Variants in CTNNA3 observed in about 807,000 individuals in gnomAD.
The protein encoded by CTNNA3 is catenin alpha-3.
In CTNNA3, 76 loss-of-function variants were observed where a neutral mutation model predicts 95.7. That is an observed-to-expected ratio of 0.79 (90% CI 0.66 to 0.96). The LOEUF (loss-of-function observed/expected upper bound fraction) is 0.96, where lower values mean the gene tolerates loss of function less well. CTNNA3 is among the 40% of genes least tolerant of loss of function. CTNNA3 has a pLI of 0.00. For synonymous variants in CTNNA3, 431 were observed against 374.4 expected (o/e 1.15, Z -1.74); for missense variants, 1,191 against 1,089.8 (o/e 1.09, Z -1.31).
At chr10:66,404,067 G>C (rs1165292081) in intron 11 of CTNNA3, among the ~76,000 whole-genome samples, 1 of 152,042 alleles carries the variant, frequency 6.6e-6, no homozygotes, top group Non-Finnish European at 1.5e-5. Flanking sequence ...CATCACTACT[G>C]TAGAACCTCA....
chr10:66,158,979 A>T (rs2084696933), intron 13 of CTNNA3, among the ~76,000 whole-genome samples: 1 of 151,922 alleles, frequency 6.6e-6, no homozygotes, highest in Non-Finnish European at 1.5e-5. Flanking sequence ...TGTTGTATAG[A>T]AGAGCTACTG....
At position 65,914,282 on chromosome 10, in the gene CTNNA3, G is replaced by A. The variant is rs2076980875; in HGVS notation, c.*6048C>T. ...CATCATGACTACCAGATACATAAAA[G>A]TGAAGATCCCCAATATACACATCCA... On this transcript the variant is annotated 3_prime_UTR_variant, in exon 18 of 18. Transcript: ENST00000433211. The A allele has an allele frequency of 6.6e-6, 1 of 152,060 alleles. No homozygotes were observed. Among genetic ancestry groups the A allele is most frequent in the South Asian group, 2.1e-4 (1 of 4,824 alleles). 9.4% of individuals were successfully genotyped at this position (152,060 alleles called of 1,614,324 possible).
intron 17 of CTNNA3, among the ~76,000 whole-genome samples, chr10:65,964,144 A>C (rs1426063229): frequency 6.6e-6 from 1 of 152,198 alleles, no homozygotes; most frequent in African/African-American, 2.4e-5. Context: ...AAGAGATCTT[A>C]TAGAAAAATG....
chr10:66,248,582 G>C (rs2090431357), intron 13 of CTNNA3, among the ~76,000 whole-genome samples: 1 of 152,010 alleles, frequency 6.6e-6, no homozygotes. Flanking sequence ...AAAAAAAAGA[G>C]TAAGAGTTGC....
intron 7 of CTNNA3, among the ~76,000 whole-genome samples, chr10:66,939,360 T>C (rs1374491187): frequency 6.6e-6 from 1 of 152,156 alleles, no homozygotes; most frequent in Non-Finnish European, 1.5e-5. Context: ...TATCCAACTT[T>C]TAAGTCAATC....
At chr10:66,942,187 A>G (rs541175334) in intron 7 of CTNNA3, among the ~76,000 whole-genome samples, 3 of 152,250 alleles carry the variant, frequency 2.0e-5, no homozygotes, top group South Asian at 4.1e-4. Context: ...TTTGCTAGAT[A>G]TTTTCACAAT....
chr10:67,699,956 G>A (rs1019677554), upstream of CTNNA3, among the ~76,000 whole-genome samples: 6 of 152,204 alleles, frequency 3.9e-5, no homozygotes, highest in East Asian at 5.8e-4. Context: ...AAAAGACAGC[G>A]CACCAGGAGA....
In CTNNA3 at chr10:66,281,614, G is replaced by A. The variant is rs59730849; in HGVS notation, c.1733-993C>T. 2.3e-3 allele frequency among the ~76,000 whole-genome samples: 349 copies of A among 151,866 alleles called. 2 individuals are homozygous for A. The highest frequency in any genetic ancestry group is 7.6e-3 in the African/African-American group (317 of 41,462). ...AGCCTCTTGCCCATATGAAGATGTCGGGTAAAAAGATTAATTTTTAGAAGA... is the reference window on the plus strand; with the variant it reads ...AGCCTCTTGCCCATATGAAGATGTCAGGTAAAAAGATTAATTTTTAGAAGA... On this transcript the variant is annotated intron_variant, in intron 12 of 17. Coordinates refer to ENST00000433211, the MANE Select transcript of CTNNA3 (RefSeq NM_013266.4).
intron 11 of CTNNA3, among the ~76,000 whole-genome samples, chr10:66,490,376 T>G (rs957013231): frequency 1.3e-5 from 2 of 152,174 alleles, no homozygotes; most frequent in African/African-American, 4.8e-5. Context: ...ATAAATATGA[T>G]GAAGAAGAGA....
At chr10:66,649,242 G>T (rs986120251) in intron 9 of CTNNA3, among the ~76,000 whole-genome samples, 2 of 152,216 alleles carry the variant, frequency 1.3e-5, no homozygotes, top group Middle Eastern at 3.4e-3. Flanking sequence ...GTAGAAATAA[G>T]AATTAGAAAA....
chr10:66,009,561 G>C (rs76984402), intron 15 of CTNNA3, among the ~76,000 whole-genome samples: 1,837 of 152,088 alleles, frequency 0.012, 31 homozygotes, highest in African/African-American at 0.043. Flanking sequence ...TTTCACTCTC[G>C]AAAAGAACAT....
intron 9 of CTNNA3, 159 bp downstream of exon 9, chr10:66,766,105 T>C: frequency 1.6e-6 from 1 of 616,286 alleles, no homozygotes. Flanking sequence ...GAGTGATCTA[T>C]ACAATCGGAC....
At chr10:66,242,173 C>T (rs927844748) in intron 13 of CTNNA3, among the ~76,000 whole-genome samples, 2 of 152,044 alleles carry the variant, frequency 1.3e-5, no homozygotes, top group Non-Finnish European at 2.9e-5. Context: ...AGATGTGGAC[C>T]TTTGACCTTG....
chr10:66,494,697 T>A, intron 11 of CTNNA3, among the ~76,000 whole-genome samples: 1 of 152,182 alleles, frequency 6.6e-6, no homozygotes, highest in Non-Finnish European at 1.5e-5. Context: ...ATGTAATGAC[T>A]CTACAGAATG....
intron 5 of CTNNA3, among the ~76,000 whole-genome samples, chr10:67,387,071 G>C (rs1214366933): frequency 2.0e-5 from 3 of 152,164 alleles, no homozygotes; most frequent in African/African-American, 7.2e-5. Context: ...CGGCCGAATA[G>C]GAACGGCTCT....
chr10:66,981,448 A>G (rs1850436651), intron 7 of CTNNA3, among the ~76,000 whole-genome samples: 1 of 152,034 alleles, frequency 6.6e-6, no homozygotes, highest in Non-Finnish European at 1.5e-5. Flanking sequence ...TGACTTACCC[A>G]TCCCCATTTC....
intron 9 of CTNNA3, among the ~76,000 whole-genome samples, chr10:66,716,815 C>T (rs1312459404): frequency 6.6e-6 from 1 of 152,132 alleles, no homozygotes; most frequent in Non-Finnish European, 1.5e-5. Flanking sequence ...TATACATTTG[C>T]AGTGCGTCAC....
intron 7 of CTNNA3, among the ~76,000 whole-genome samples, chr10:67,056,196 GC>G (rs1368659311): frequency 6.6e-6 from 1 of 152,090 alleles, no homozygotes; most frequent in Non-Finnish European, 1.5e-5. Flanking sequence ...GATTAACTGA[GC>G]TTTAATAAAA....
At chr10:67,726,519 T>TATTA (rs1482360736) in intron 1 of CTNNA3, among the ~76,000 whole-genome samples, 1 of 68,088 alleles carries the variant, frequency 1.5e-5, no homozygotes, top group Non-Finnish European at 2.4e-5. Flanking sequence ...ATATATTATA[T>TATTA]TATATTATAT....
Sources: gnomAD v4.1 joint callset for allele counts (sites outside exome capture counted in the v4.1 genomes callset) on GRCh38, gnomAD v4.1.1 for gene constraint, MANE v1.5 for transcripts, NCBI Gene and HGNC (gene_info 2026-07-23, HGNC 2026-07-21) for gene names.